Variants in ZNF91 observed in about 807,000 individuals in gnomAD.
The protein encoded by ZNF91 is zinc finger protein 91 (HPF7, HTF10).
Under a neutral mutation model 12.6 loss-of-function variants are expected in ZNF91, and 7 were observed. The observed-to-expected ratio is 0.55, with a 90% CI of 0.31 to 1.04. The LOEUF (loss-of-function observed/expected upper bound fraction) is 1.04, where lower values mean the gene tolerates loss of function less well. ZNF91 is among the 50% of genes least tolerant of loss of function. ZNF91 has a pLI of 0.05. For missense variants in ZNF91, 1,217 were observed against 1,385.4 expected, an observed-to-expected ratio of 0.88 and a Z score of 1.93; for synonymous variants, 453 against 462.6, an observed-to-expected ratio of 0.98 and a Z score of 0.27.
chr19:23,320,043 C>T (rs1167208202), intron 1 of ZNF91, among the ~76,000 whole-genome samples: 3 of 152,182 alleles, frequency 2.0e-5, no homozygotes, highest in African/African-American at 7.2e-5. Context: ...TACTGTATTT[C>T]TGGTATGCAC....
At chr19:23,337,507 T>C (rs911801613), downstream of ZNF91, among the ~76,000 whole-genome samples, 2 of 147,370 alleles carry the variant, frequency 1.4e-5, no homozygotes, top group African/African-American at 5.0e-5. Context: ...TGAATGTAAA[T>C]TCGAAAATAA....
At chr19:23,329,201 C>T (rs1652206608) in intron 1 of ZNF91, 2 of 152,126 alleles carry the variant, frequency 1.3e-5, no homozygotes. Context: ...GAATGATTTT[C>T]AGATGAGATG....
intron 1 of ZNF91, chr19:23,384,729 TG>T: frequency 1.6e-6 from 1 of 614,518 alleles, no homozygotes. Context: ...AGCTTTTACC[TG>T]GAAACTAGGA....
At chr19:23,337,527 A>G (rs2145877792), downstream of ZNF91, among the ~76,000 whole-genome samples, 1 of 152,024 alleles carries the variant, frequency 6.6e-6, no homozygotes, top group East Asian at 1.9e-4. Flanking sequence ...AAATGAAACA[A>G]CTATTTCTCC....
intron 1 of ZNF91, among the ~76,000 whole-genome samples, chr19:23,317,992 C>T (rs1967604517): frequency 6.6e-6 from 1 of 152,172 alleles, no homozygotes. Flanking sequence ...ACCCTTCTGC[C>T]TGAGCCCATC....
intron 1 of ZNF91, 59 bp from the exon 2 acceptor site, chr19:23,374,823 T>G: frequency 6.3e-7 from 1 of 1,589,248 alleles, no homozygotes; most frequent in Non-Finnish European, 8.6e-7. Context: ...AATTTTTCAT[T>G]TGACTCAAGG....
At chr19:23,344,316 G>C (rs1172797230) in intron 3 of ZNF91, among the ~76,000 whole-genome samples, 1 of 151,928 alleles carries the variant, frequency 6.6e-6, no homozygotes, top group Non-Finnish European at 1.5e-5. Flanking sequence ...GGATGGTCTC[G>C]ATCTCCTGAC....
intron 1 of ZNF91, among the ~76,000 whole-genome samples, chr19:23,387,761 A>G (rs892609439): frequency 8.0e-5 from 12 of 149,758 alleles, no homozygotes; most frequent in Non-Finnish European, 1.3e-4. Context: ...CCAACATGGT[A>G]AAACCCCATC....
chr19:23,325,880 TTGCC>T (rs1436678192), intron 1 of ZNF91: 1 of 152,216 alleles, frequency 6.6e-6, no homozygotes, highest in African/African-American at 2.4e-5. Flanking sequence ...CTCTCATTGT[TTGCC>T]TGCCTAATAA....
chr19:23,326,167 T>C (rs767822935), intron 1 of ZNF91: 1 of 152,170 alleles, frequency 6.6e-6, no homozygotes, highest in Non-Finnish European at 1.5e-5. Flanking sequence ...CTAGGGAAAA[T>C]TAGGCCTTCT....
chr19:23,376,127 T>C (rs192188288), intron 1 of ZNF91, among the ~76,000 whole-genome samples: 1 of 152,340 alleles, frequency 6.6e-6, no homozygotes, highest in East Asian at 1.9e-4. Flanking sequence ...AATCCTGTAA[T>C]GCACAGAGAT....
chr19:23,337,034 T>C (rs1043219052), downstream of ZNF91, among the ~76,000 whole-genome samples: 1 of 152,222 alleles, frequency 6.6e-6, no homozygotes, highest in African/African-American at 2.4e-5. Flanking sequence ...TTTAGTTACA[T>C]GCATAGATTG....
chr19:23,368,562 C>CTCTCTA (rs768532900), intron 3 of ZNF91, among the ~76,000 whole-genome samples: 23 of 118,622 alleles, frequency 1.9e-4, no homozygotes, highest in East Asian at 1.2e-3. Flanking sequence ...CTCTCTCTCT[C>CTCTCTA]TATATATATA....
Position 23,342,178 on chromosome 19 carries a change from C to G in ZNF91, c.254-3124G>C, listed in dbSNP as rs547969743. On this transcript the variant is annotated intron_variant, in intron 3 of 3. Transcript: ENST00000599743. ...CATTCATGCTTACCTACCTGAGAAG[C>G]TGACTACTGTCTCATGTCTCTTCAC... 1.5e-3 allele frequency: 743 copies of G among 508,922 alleles called. 1 individual carries two copies. The highest frequency in any genetic ancestry group is 1.7e-3 in the Admixed American group (61 of 36,510). The allele number at this position is 508,922 out of a possible 1,614,324, so 31.5% of individuals were successfully genotyped here.
At chr19:23,309,189 A>G (rs1276995369) in intron 1 of ZNF91, 1 of 151,696 alleles carries the variant, frequency 6.6e-6, no homozygotes, top group East Asian at 1.9e-4. Context: ...TGGGCCCTGC[A>G]TATGTTGAAT....
chr19:23,362,067 G>T lies in ZNF91; in HGVS notation c.912C>A (p.Ser304Arg). ...TATGTTTAGCAAGGGTTGAAGAATGGCTAAAAGCTTTGCCACATTCTTCAC... is the reference window on the plus strand; with the variant it reads ...TATGTTTAGCAAGGGTTGAAGAATGTCTAAAAGCTTTGCCACATTCTTCAC... ...YKCEECGKAF[S>R]HSSTLAKHKR... Residue 304 changes from serine (S) to arginine (R), a missense_variant, in exon 4 of 4, where the codon AGC becomes AGA. Ser to Arg is a moderately radical substitution (Grantham distance 110). Coordinates refer to ENST00000300619, the MANE Select transcript of ZNF91 (RefSeq NM_003430.4). 6.2e-7 allele frequency: 1 copy of T among 1,605,348 alleles called. No individual in the cohort carries two copies. The highest frequency in any genetic ancestry group is 8.5e-7 in the Non-Finnish European group (1 of 1,177,128).
Position 23,360,046 on chromosome 19 carries a change from G to C in ZNF91, c.2933C>G (p.Ser978Cys). 1 of 1,613,348 alleles carries C rather than the reference G, an allele frequency of 6.2e-7. No individual in the cohort carries two copies. Among genetic ancestry groups the C allele is most frequent in the Non-Finnish European group, 8.5e-7 (1 of 1,179,992 alleles). ...TATCTTATGTTCAGTAAGAGTTGAAGATTTCCTAAAAGCTTTGCCACATTC... is the reference window on the plus strand; with the variant it reads ...TATCTTATGTTCAGTAAGAGTTGAACATTTCCTAAAAGCTTTGCCACATTC... The part of the protein sequence containing the change: ...CEECGKAFRK[S>C]STLTEHKIIH... The change falls in exon 4 of 4, where the codon TCT becomes TGT. Residue 978 changes from serine to cysteine, a missense_variant. Physicochemically the swap from Ser to Cys is moderately radical, Grantham distance 112. This residue lies in a region of ZNF91 where 491 missense variants were observed against 489.8 expected (regional missense o/e 1.00). Coordinates refer to ENST00000300619, the MANE Select transcript of ZNF91 (RefSeq NM_003430.4).
intron 3 of ZNF91, among the ~76,000 whole-genome samples, chr19:23,305,644 G>A (rs10426125): frequency 0.038 from 5,718 of 152,172 alleles, 339 homozygotes; most frequent in African/African-American, 0.13. Flanking sequence ...GAGCCCAGAT[G>A]ATTTTAACTG....
intron 1 of ZNF91, among the ~76,000 whole-genome samples, chr19:23,319,141 A>G (rs532527479): frequency 2.0e-5 from 3 of 152,320 alleles, no homozygotes; most frequent in Admixed American, 6.5e-5. Context: ...TGATGGACTC[A>G]GCACCTAGGT....
Sources: gnomAD v4.1 joint callset for allele counts (sites outside exome capture counted in the v4.1 genomes callset) on GRCh38, gnomAD v4.1.1 for gene constraint, gnomAD v4.1.1 regional missense constraint, MANE v1.5 for transcripts, NCBI Gene and HGNC (gene_info 2026-07-23, HGNC 2026-07-21) for gene names.